The following PDE1C variants were observed in gnomAD, a reference collection of about 807,000 sequenced individuals.
The protein encoded by PDE1C is dual specificity calcium/calmodulin-dependent 3',5'-cyclic nucleotide phosphodiesterase 1C.
Under a neutral mutation model 93.1 loss-of-function variants are expected in PDE1C, and 62 were observed. The ratio of observed to expected loss-of-function variants is 0.67; its 90% confidence interval spans 0.54 to 0.82. The LOEUF is 0.82. Ranked by LOEUF, PDE1C falls within the 40% of genes least tolerant of loss-of-function variation. The pLI is 0.00. For missense variants in PDE1C, 742 were observed against 884.6 expected, an observed-to-expected ratio of 0.84 and a Z score of 2.04; for synonymous variants, 325 against 310.1, an observed-to-expected ratio of 1.05 and a Z score of -0.50.
At chr7:31,856,786 T>G (rs1794075474) in intron 7 of PDE1C, among the ~76,000 whole-genome samples, 1 of 151,688 alleles carries the variant, frequency 6.6e-6, no homozygotes, top group Non-Finnish European at 1.5e-5. Context: ...GCTCCCGTAC[T>G]GTACTCAGTT....
At chr7:32,158,058 T>C (rs1405605706) in intron 3 of PDE1C, among the ~76,000 whole-genome samples, 2 of 152,176 alleles carry the variant, frequency 1.3e-5, no homozygotes, top group Admixed American at 1.3e-4. Flanking sequence ...TGCACAAACA[T>C]GTAATTATAC....
chr7:32,229,022 C>T (rs1333110776), intron 1 of PDE1C, among the ~76,000 whole-genome samples: 1 of 152,214 alleles, frequency 6.6e-6, no homozygotes, highest in Non-Finnish European at 1.5e-5. Flanking sequence ...ACAGGATGTG[C>T]TTCCCACCCC....
intron 3 of PDE1C, among the ~76,000 whole-genome samples, chr7:32,128,904 CAAATAT>C (rs1245668849): frequency 7.1e-4 from 29 of 40,802 alleles, no homozygotes; most frequent in African/African-American, 2.4e-3. Flanking sequence ...TAAAGTATAA[CAAATAT>C]ATATATATAT....
intron 2 of PDE1C, among the ~76,000 whole-genome samples, chr7:32,038,347 T>C (rs993859552): frequency 2.0e-5 from 3 of 152,096 alleles, no homozygotes; most frequent in Non-Finnish European, 2.9e-5. Context: ...GCAGAATAAG[T>C]GCCTGAGGGA....
the PDE1C span, among the ~76,000 whole-genome samples, chr7:31,629,172 G>A: frequency 6.6e-6 from 1 of 152,108 alleles, no homozygotes; most frequent in Non-Finnish European, 1.5e-5. Flanking sequence ...CACTCTTCCA[G>A]GACATTGCAT....
intron 2 of PDE1C, among the ~76,000 whole-genome samples, chr7:31,985,663 C>T (rs1053453947): frequency 1.3e-5 from 2 of 151,790 alleles, no homozygotes; most frequent in Non-Finnish European, 2.9e-5. Flanking sequence ...TGAGTGAGAA[C>T]ATGTGGTGGT....
intron 1 of PDE1C, among the ~76,000 whole-genome samples, chr7:32,378,907 T>C (rs2128089692): frequency 6.6e-6 from 1 of 152,360 alleles, no homozygotes; most frequent in Middle Eastern, 3.4e-3. Context: ...TCTTTCTTTA[T>C]TGCAATGCTG....
At chr7:31,660,076 G>A in the PDE1C span, among the ~76,000 whole-genome samples, 10 of 151,970 alleles carry the variant, frequency 6.6e-5, no homozygotes, top group East Asian at 7.7e-4. Flanking sequence ...CCTTGCTGCC[G>A]CCATGTGAAG....
chr7:31,702,519 C>G, the PDE1C span, among the ~76,000 whole-genome samples: 1 of 152,182 alleles, frequency 6.6e-6, no homozygotes, highest in Non-Finnish European at 1.5e-5. Context: ...AGCTCGAAGC[C>G]TCTGCTATCA....
At chr7:32,307,668 T>A (rs1048506117) in intron 1 of PDE1C, among the ~76,000 whole-genome samples, 1 of 152,210 alleles carries the variant, frequency 6.6e-6, no homozygotes, top group Non-Finnish European at 1.5e-5. Flanking sequence ...GGAACCTTTC[T>A]ACCTTATTAA....
intron 16 of PDE1C, chr7:31,786,492 G>C (rs554561067): frequency 6.6e-6 from 1 of 152,204 alleles, no homozygotes; most frequent in African/African-American, 2.4e-5. Flanking sequence ...TATAGAAGTT[G>C]AATAAATTTT....
At chr7:32,350,213 A>G (rs1461830384) in intron 1 of PDE1C, among the ~76,000 whole-genome samples, 5 of 152,120 alleles carry the variant, frequency 3.3e-5, no homozygotes, top group Non-Finnish European at 7.4e-5. Flanking sequence ...CCCAGCACCA[A>G]CTACCATCAA....
the PDE1C span, among the ~76,000 whole-genome samples, chr7:31,625,215 C>A: frequency 6.6e-6 from 1 of 152,118 alleles, no homozygotes; most frequent in East Asian, 1.9e-4. Flanking sequence ...GTCAGTGTGG[C>A]GATTCCTCAG....
At chr7:32,023,122 T>C (rs1240707072) in intron 2 of PDE1C, among the ~76,000 whole-genome samples, 2 of 152,116 alleles carry the variant, frequency 1.3e-5, no homozygotes, top group Non-Finnish European at 2.9e-5. Context: ...GCTGAGTTAT[T>C]GCCTTTAAAG....
intron 1 of PDE1C, among the ~76,000 whole-genome samples, chr7:32,398,168 C>A: frequency 6.6e-6 from 1 of 150,428 alleles, no homozygotes. Context: ...AAAAAATTAG[C>A]CAAGCATGAT....
chr7:32,184,618 G>A (rs1278523118), intron 2 of PDE1C, among the ~76,000 whole-genome samples: 2 of 152,078 alleles, frequency 1.3e-5, no homozygotes, highest in Non-Finnish European at 2.9e-5. Context: ...ATGGACACAG[G>A]AAGGGGAACA....
At chr7:32,023,288 A>G (rs886515772) in intron 2 of PDE1C, among the ~76,000 whole-genome samples, 9 of 152,122 alleles carry the variant, frequency 5.9e-5, no homozygotes, top group African/African-American at 2.2e-4. Context: ...ATGACCCATG[A>G]TGTTGGTTAA....
intron 1 of PDE1C, among the ~76,000 whole-genome samples, chr7:32,273,089 C>T (rs770450667): frequency 6.6e-6 from 1 of 152,148 alleles, no homozygotes; most frequent in South Asian, 2.1e-4. Context: ...GCTCTAGCTA[C>T]TGGTGATGAA....
intron 1 of PDE1C, among the ~76,000 whole-genome samples, chr7:32,229,548 C>T (rs111898327): frequency 2.0e-5 from 3 of 152,288 alleles, no homozygotes; most frequent in African/African-American, 4.8e-5. Flanking sequence ...GACCTTTATA[C>T]GTCTCTTGGG....
Sources: allele counts gnomAD v4.1 joint callset (sites outside exome capture counted in the v4.1 genomes callset), GRCh38; gene constraint gnomAD v4.1.1; transcripts MANE v1.5; gene names NCBI Gene and HGNC (gene_info 2026-07-23, HGNC 2026-07-21).